MAPK10: variants seen among roughly 807,000 people sequenced by gnomAD.
MAPK10 encodes the protein JNK3 alpha protein kinase.
A neutral mutation model predicts 59.3 loss-of-function variants in MAPK10; 25 were observed. The observed-to-expected ratio is 0.42, with a 90% CI of 0.31 to 0.59. The LOEUF is 0.59. Ranked by LOEUF, MAPK10 falls within the 20% of genes least tolerant of loss-of-function variation. The pLI is 0.15. For synonymous variants in MAPK10, 190 were observed against 200.5 expected (o/e 0.95, Z 0.44); for missense variants, 351 against 568.9 (o/e 0.62, Z 3.90).
chr4:86,034,089 C>T (rs2039674144), intron 11 of MAPK10, among the ~76,000 whole-genome samples: 1 of 152,080 alleles, frequency 6.6e-6, no homozygotes, highest in African/African-American at 2.4e-5. Context: ...AAGAAAAATG[C>T]CCCAGAGGTG....
At chr4:86,104,044 C>A (rs1055861834) in intron 5 of MAPK10, among the ~76,000 whole-genome samples, 5 of 151,922 alleles carry the variant, frequency 3.3e-5, no homozygotes, top group Admixed American at 6.6e-5. Context: ...AAGATAGTTG[C>A]AACTATTTTA....
In MAPK10 at chr4:86,588,535, T is replaced by A. The variant is rs190381512; in HGVS notation, c.-263+5375A>T. 2.7e-3 allele frequency among the ~76,000 whole-genome samples: 406 copies of A among 152,308 alleles called. 3 individuals carry two copies. Among genetic ancestry groups the A allele is most frequent in the African/African-American group, 9.3e-3 (385 of 41,564 alleles). The stretch of plus-strand genomic sequence containing the variant: ...ATCATATATATTGGTTTACCAGAGT[T>A]TAATCATTCTGTTAGCATGGACATT... On this transcript the variant is annotated intron_variant, in intron 1 of 4. Transcript: ENST00000502302.
At chr4:86,209,347 A>G (rs1404692809) in intron 2 of MAPK10, among the ~76,000 whole-genome samples, 2 of 152,118 alleles carry the variant, frequency 1.3e-5, no homozygotes, top group Non-Finnish European at 2.9e-5. Flanking sequence ...TAAAAGGTGA[A>G]GTAGGAAGCA....
chr4:86,263,265 T>A (rs2094088834), intron 2 of MAPK10, among the ~76,000 whole-genome samples: 2 of 152,228 alleles, frequency 1.3e-5, no homozygotes, highest in Non-Finnish European at 2.9e-5. Context: ...TTGCCAAATG[T>A]AAGCATGATG....
At chr4:86,463,205 C>T (rs1463676909) in intron 1 of MAPK10, among the ~76,000 whole-genome samples, 1 of 152,200 alleles carries the variant, frequency 6.6e-6, no homozygotes, top group Non-Finnish European at 1.5e-5. Flanking sequence ...GAATTGCCTT[C>T]TCCTTCTATG....
chr4:86,248,128 G>A (rs866075357), intron 2 of MAPK10, among the ~76,000 whole-genome samples: 4 of 152,104 alleles, frequency 2.6e-5, no homozygotes, highest in Admixed American at 6.5e-5. Context: ...GTACTCAATC[G>A]CCATATGGTG....
At chr4:86,042,103 T>C (rs2148941770) in intron 11 of MAPK10, among the ~76,000 whole-genome samples, 1 of 152,352 alleles carries the variant, frequency 6.6e-6, no homozygotes, top group South Asian at 2.1e-4. Flanking sequence ...AAAGAAAATG[T>C]GGCACATATA....
chr4:86,548,142 C>T (rs1013429841), intron 1 of MAPK10, among the ~76,000 whole-genome samples: 1 of 152,158 alleles, frequency 6.6e-6, no homozygotes, highest in African/African-American at 2.4e-5. Flanking sequence ...CTGTAACACT[C>T]ACCGCGAAGG....
chr4:86,155,082 C>T (rs756110622), intron 4 of MAPK10, among the ~76,000 whole-genome samples: 33 of 151,858 alleles, frequency 2.2e-4, no homozygotes, highest in Non-Finnish European at 3.2e-4. Context: ...AATCAGAGTG[C>T]GGATGGAGTA....
chr4:86,217,002 C>A (rs2087859591), intron 2 of MAPK10, among the ~76,000 whole-genome samples: 1 of 152,092 alleles, frequency 6.6e-6, no homozygotes, highest in Non-Finnish European at 1.5e-5. Flanking sequence ...AACACATAAG[C>A]AACTTATTTT....
intron 4 of MAPK10, among the ~76,000 whole-genome samples, chr4:86,147,621 A>C (rs1460022926): frequency 6.6e-6 from 1 of 152,192 alleles, no homozygotes; most frequent in African/African-American, 2.4e-5. Flanking sequence ...TTGACACCAA[A>C]ATATGAAAGA....
intron 1 of MAPK10, among the ~76,000 whole-genome samples, chr4:86,438,106 G>C (rs985786385): frequency 1.3e-5 from 2 of 152,172 alleles, no homozygotes; most frequent in Non-Finnish European, 2.9e-5. Context: ...GTCACTGATA[G>C]AGGGCATAAA....
chr4:86,351,254 T>TTATA (rs146723315), intron 2 of MAPK10, among the ~76,000 whole-genome samples: 2 of 149,968 alleles, frequency 1.3e-5, no homozygotes, highest in East Asian at 1.9e-4. Context: ...TATCTGTATT[T>TTATA]TATATATATA....
At chr4:86,103,294 G>T in intron 5 of MAPK10, 50 bp from the exon 6 acceptor site, 1 of 937,378 alleles carries the variant, frequency 1.1e-6, no homozygotes, top group Non-Finnish European at 1.8e-6. Context: ...AAAAAAGAGA[G>T]AGAATGTATT....
At chr4:86,499,649 C>T (rs1463410239) in intron 1 of MAPK10, among the ~76,000 whole-genome samples, 1 of 152,160 alleles carries the variant, frequency 6.6e-6, no homozygotes, top group African/African-American at 2.4e-5. Context: ...GACAACTAGT[C>T]ACCTACACAA....
At chr4:86,283,450 C>T (rs2094891950) in intron 2 of MAPK10, among the ~76,000 whole-genome samples, 1 of 152,132 alleles carries the variant, frequency 6.6e-6, no homozygotes, top group South Asian at 2.1e-4. Flanking sequence ...AAATAGGGCA[C>T]GTAGGAGAAA....
intron 1 of MAPK10, among the ~76,000 whole-genome samples, chr4:86,369,702 C>G (rs1738460043): frequency 1.3e-5 from 2 of 152,140 alleles, no homozygotes; most frequent in Admixed American, 1.3e-4. Flanking sequence ...AAAATCTGAT[C>G]TTGAAAATTG....
chr4:86,016,968 C>T lies in MAPK10; in HGVS notation c.*260G>A, dbSNP rs898333003. ...GGCTTCTCTAATTGTGTCTGATTTG[C>T]TTTCTGTAGTAAGCATCATTGGAAG... is the stretch of plus-strand genomic sequence containing the variant. On this transcript the variant is annotated 3_prime_UTR_variant, in exon 14 of 14. Transcript: ENST00000641462. 5.8e-6 allele frequency: 2 copies of T among 342,716 alleles called. No individual in the cohort carries two copies. The highest frequency in any genetic ancestry group is 1.1e-5 in the Non-Finnish European group (2 of 185,478). 21.2% of individuals were successfully genotyped at this position (342,716 alleles called of 1,614,324 possible).
At chr4:86,103,046 C>T in intron 6 of MAPK10, 140 bp downstream of exon 6, 1 of 603,880 alleles carries the variant, frequency 1.7e-6, no homozygotes, top group South Asian at 2.4e-5. Flanking sequence ...CCTCTTACCT[C>T]TCTTTGAGCA....
Sources: gnomAD v4.1 joint callset for allele counts (sites outside exome capture counted in the v4.1 genomes callset) on GRCh38, gnomAD v4.1.1 for gene constraint, MANE v1.5 for transcripts, NCBI Gene and HGNC (gene_info 2026-07-23, HGNC 2026-07-21) for gene names.